The following STK39 variants were observed in gnomAD, a reference collection of about 807,000 sequenced individuals.
STK39 encodes serine/threonine kinase 39, also known as STE20/SPS1-related proline-alanine-rich protein kinase.
A neutral mutation model predicts 77.8 loss-of-function variants in STK39; 20 were observed. The ratio of observed to expected loss-of-function variants is 0.26; its 90% confidence interval spans 0.18 to 0.37. The LOEUF is 0.37. STK39 is among the 10% of genes least tolerant of loss of function. STK39 has a pLI of 1.00. For synonymous variants in STK39, 246 were observed against 234.1 expected, an observed-to-expected ratio of 1.05 and a Z score of -0.47; for missense variants, 479 against 656.5, an observed-to-expected ratio of 0.73 and a Z score of 2.95.
rs1559030863 is a variant in STK39, at chr2:167,954,167, T to C, written c.*1329A>G. On this transcript the variant is annotated 3_prime_UTR_variant, in exon 18 of 18. Coordinates refer to ENST00000355999, the MANE Select transcript of STK39 (RefSeq NM_013233.3). ...CTTAACAATTATGACAAGGCAATTA[T>C]AAATAACTTTTTTTCCTTAGTAATA... is the stretch of plus-strand genomic sequence containing the variant. The C allele has an allele frequency of 1.3e-5, 2 of 152,612 alleles. No individual in the cohort carries two copies. Among genetic ancestry groups the C allele is most frequent in the African/African-American group, 4.8e-5 (2 of 41,416 alleles). 9.5% of individuals were successfully genotyped at this position (152,612 alleles called of 1,614,324 possible). A position where few individuals can be genotyped will look rare whatever the true frequency, so the allele number is the denominator to read the frequency against.
intron 1 of STK39, among the ~76,000 whole-genome samples, chr2:168,210,030 A>AAGG (rs1689848352): frequency 0.043 from 4,776 of 110,062 alleles, 301 homozygotes; most frequent in African/African-American, 0.12. Context: ...GAAAGGAAAG[A>AAGG]AAGGAAGGAA....
chr2:168,145,766 T>C (rs1459740277), intron 5 of STK39, among the ~76,000 whole-genome samples: 4 of 152,074 alleles, frequency 2.6e-5, no homozygotes, highest in Non-Finnish European at 5.9e-5. Context: ...TGTCCAGTGC[T>C]GGGGGGGTTC....
At chr2:168,016,777 A>G (rs1048167452) in intron 15 of STK39, among the ~76,000 whole-genome samples, 1 of 152,168 alleles carries the variant, frequency 6.6e-6, no homozygotes, top group Non-Finnish European at 1.5e-5. Flanking sequence ...TACCATAGCA[A>G]TACTTATTTT....
At chr2:168,228,104 T>C (rs916013783) in intron 1 of STK39, among the ~76,000 whole-genome samples, 1 of 152,242 alleles carries the variant, frequency 6.6e-6, no homozygotes, top group Non-Finnish European at 1.5e-5. Context: ...GTATTAGATG[T>C]ATTCCGTGAT....
intron 1 of STK39, chr2:168,231,919 A>G (rs900406597): frequency 1.1e-4 from 25 of 236,332 alleles, no homozygotes; most frequent in Non-Finnish European, 2.3e-4. Flanking sequence ...GCCACCCACC[A>G]ATCACCTCTT....
At chr2:168,143,348 A>G (rs1688043799) in intron 5 of STK39, among the ~76,000 whole-genome samples, 1 of 152,106 alleles carries the variant, frequency 6.6e-6, no homozygotes. Flanking sequence ...CTAAGTTCCC[A>G]TCTCCCTTCT....
Position 167,955,602 on chromosome 2 carries a change from G to C in STK39, c.1564-32C>G, listed in dbSNP as rs189891191. 4.1e-5 allele frequency: 65 copies of C among 1,603,008 alleles called. No individual in the cohort carries two copies. In the African/African-American group the frequency reaches 7.1e-4, roughly 17 times the overall value. Reference sequence around the variant, plus strand: ...AGGGAAAAAGAAAGCCTCAATGCTGGTTTGCTGCTGCTGCTGGTTGTTAAA... The same window carrying C: ...AGGGAAAAAGAAAGCCTCAATGCTGCTTTGCTGCTGCTGCTGGTTGTTAAA... On this transcript the variant is annotated intron_variant, in intron 17 of 17. Transcript: ENST00000355999.
In STK39 at chr2:168,113,549, G is replaced by T. The variant is rs1301171217; in HGVS notation, c.1089+15992C>A. Among the ~76,000 whole-genome samples the T allele has an allele frequency of 2.6e-5, 4 of 152,214 alleles. No individual in the cohort carries two copies. In the East Asian group the frequency reaches 7.7e-4, roughly 29 times the overall value. On this transcript the variant is annotated intron_variant, in intron 10 of 17. Transcript: ENST00000355999. ...GTGGGCAAAGAGAGGAAAGTAGCTT[G>T]TGAAATATAGGCATTTTTGTTAAAG...
intron 10 of STK39, among the ~76,000 whole-genome samples, chr2:168,076,108 G>A (rs1686071207): frequency 6.6e-6 from 1 of 152,200 alleles, no homozygotes; most frequent in Non-Finnish European, 1.5e-5. Flanking sequence ...TGTAGCAGAT[G>A]AACATGATGT....
chr2:168,089,675 G>A lies in STK39; in HGVS notation c.1090-14444C>T, dbSNP rs190773396. 2.8e-3 allele frequency among the ~76,000 whole-genome samples: 430 copies of A among 152,282 alleles called. 1 individual carries two copies. Among genetic ancestry groups the A allele is most frequent in the African/African-American group, 9.4e-3 (391 of 41,562 alleles). On this transcript the variant is annotated intron_variant, in intron 10 of 17. Coordinates refer to ENST00000355999, the MANE Select transcript of STK39 (RefSeq NM_013233.3). ...GTTGCCCAGGCTGGAGGGCAATGGC[G>A]CAATCTCGGCTCACCACAACCTCCG...
Position 168,075,015 on chromosome 2 carries a change from T to A in STK39, c.1213-4A>T, listed in dbSNP as rs200340020. Reference sequence around the variant, plus strand: ...TTTCTTCTTTTACTCTTCGTGACTGTAAAACAATTATGTATCCATTAATAT... The same window carrying A: ...TTTCTTCTTTTACTCTTCGTGACTGAAAAACAATTATGTATCCATTAATAT... On this transcript the variant is annotated splice_polypyrimidine_tract_variant and splice_region_variant and intron_variant, in intron 11 of 17. Transcript: ENST00000355999. 6.2e-7 allele frequency: 1 copy of A among 1,613,822 alleles called. No individual in the cohort carries two copies. Among genetic ancestry groups the A allele is most frequent in the Non-Finnish European group, 8.5e-7 (1 of 1,179,996 alleles).
At chr2:168,112,209 G>C (rs1236520009) in intron 10 of STK39, among the ~76,000 whole-genome samples, 1 of 152,020 alleles carries the variant, frequency 6.6e-6, no homozygotes, top group Admixed American at 6.6e-5. Context: ...ACAGAACTCA[G>C]TATCTCCTCT....
chr2:168,180,621 T>C (rs1206663634), intron 2 of STK39, among the ~76,000 whole-genome samples: 3 of 152,106 alleles, frequency 2.0e-5, no homozygotes, highest in African/African-American at 7.2e-5. Context: ...CCACAGTTTA[T>C]AAAATGCGTT....
At chr2:168,171,696 C>T (rs1042980736) in intron 2 of STK39, among the ~76,000 whole-genome samples, 13 of 151,940 alleles carry the variant, frequency 8.6e-5, no homozygotes, top group African/African-American at 1.9e-4. Flanking sequence ...ACTGTGTTGC[C>T]CAGGCTGGTC....
chr2:168,246,393 A>G lies in STK39; in HGVS notation c.208+835T>C, dbSNP rs577090995. Among the ~76,000 whole-genome samples the G allele has an allele frequency of 1.4e-4, 22 of 152,366 alleles. No individual in the cohort carries two copies. In the South Asian group the frequency reaches 3.5e-3, roughly 24 times the overall value. ...GTATTTAAAAATGTAAGATAAGGTG[A>G]TATTTGTGAGCCGGCCAGAAGGCAA... On this transcript the variant is annotated intron_variant, in intron 1 of 17. Coordinates refer to ENST00000355999, the MANE Select transcript of STK39 (RefSeq NM_013233.3).
chr2:168,228,628 T>C (rs895069830), intron 1 of STK39, among the ~76,000 whole-genome samples: 7 of 151,904 alleles, frequency 4.6e-5, no homozygotes, highest in Non-Finnish European at 1.0e-4. Context: ...CCATCTCTAT[T>C]AAAAATACAA....
intron 14 of STK39, among the ~76,000 whole-genome samples, chr2:168,034,567 A>G (rs936928406): frequency 1.3e-4 from 20 of 152,228 alleles, no homozygotes; most frequent in African/African-American, 4.3e-4. Flanking sequence ...CAGAAGACAG[A>G]GCACACATGG....
At chr2:167,975,974 T>C (rs1683266783) in intron 16 of STK39, among the ~76,000 whole-genome samples, 1 of 152,188 alleles carries the variant, frequency 6.6e-6, no homozygotes, top group South Asian at 2.1e-4. Flanking sequence ...TTGCTGCAGT[T>C]CAAACACAAT....
At chr2:168,233,414 A>G (rs1690511521) in intron 1 of STK39, among the ~76,000 whole-genome samples, 1 of 152,094 alleles carries the variant, frequency 6.6e-6, no homozygotes, top group South Asian at 2.1e-4. Flanking sequence ...CCAAAATTAA[A>G]CCCACTTAAT....
Sources: gnomAD v4.1 joint callset for allele counts (sites outside exome capture counted in the v4.1 genomes callset) on GRCh38, gnomAD v4.1.1 for gene constraint, MANE v1.5 for transcripts, NCBI Gene and HGNC (gene_info 2026-07-23, HGNC 2026-07-21) for gene names.